FGD4: variants seen among roughly 807,000 people sequenced by gnomAD.
FGD4 encodes the protein FYVE, RhoGEF and PH domain containing 4.
Under a neutral mutation model 102.0 loss-of-function variants are expected in FGD4, and 42 were observed. That is an observed-to-expected ratio of 0.41 (90% CI 0.32 to 0.53). FGD4 has a LOEUF of 0.53. Among genes scored for constraint, FGD4 ranks in the 20% least tolerant of loss-of-function variants. FGD4 has a pLI of 0.21. For synonymous variants in FGD4, 380 were observed against 375.7 expected (o/e 1.01, Z -0.13); for missense variants, 902 against 1,078.2 (o/e 0.84, Z 2.29).
chr12:32,610,978 A>T, intron 9 of FGD4, 144 bp downstream of exon 9: 1 of 1,254,032 alleles, frequency 8.0e-7, no homozygotes, highest in Middle Eastern at 2.1e-4. Context: ...GTTATCTGGA[A>T]TAATTCTCTG....
In FGD4 at chr12:32,497,907, C is replaced by T. The variant is rs117063516; in HGVS notation, c.167-66230C>T. Among the ~76,000 whole-genome samples the T allele has an allele frequency of 2.7e-3, 408 of 152,250 alleles. 21 individuals carry two copies. In the East Asian group the frequency reaches 0.073, roughly 27 times the overall value. On this transcript the variant is annotated intron_variant, in intron 1 of 16. Transcript: ENST00000534526. ...TGTTTCTTGTCTTTGCTACTTCAGC[C>T]TTTTTTCTTCTTCTCGACTCAGTGA...
intron 1 of FGD4, 90 bp from the exon 2 acceptor site, chr12:32,564,047 G>C (rs971241741): frequency 6.2e-5 from 76 of 1,225,322 alleles, no homozygotes; most frequent in Non-Finnish European, 5.6e-5. Flanking sequence ...GGGGGAGGGA[G>C]AGGGAGTGGG....
intron 2 of FGD4, among the ~76,000 whole-genome samples, chr12:32,574,498 A>G (rs11052085): frequency 0.089 from 13,558 of 152,230 alleles, 776 homozygotes; most frequent in Middle Eastern, 0.19. Context: ...AACAAATATT[A>G]CACTTATATA....
intron 1 of FGD4, among the ~76,000 whole-genome samples, chr12:32,546,667 G>A (rs1943248107): frequency 6.6e-6 from 1 of 152,226 alleles, no homozygotes; most frequent in Admixed American, 6.5e-5. Context: ...GAGGGAAGTA[G>A]GACTTGACTA....
chr12:32,512,071 T>C (rs1476410275), intron 1 of FGD4, among the ~76,000 whole-genome samples: 2 of 152,190 alleles, frequency 1.3e-5, no homozygotes, highest in African/African-American at 4.8e-5. Flanking sequence ...ATCGAAGTCT[T>C]TTTTGTGATG....
chr12:32,457,399 C>T (rs1326662716), intron 1 of FGD4, among the ~76,000 whole-genome samples: 4 of 152,144 alleles, frequency 2.6e-5, no homozygotes, highest in Admixed American at 2.6e-4. Flanking sequence ...AGACGAGGAA[C>T]TGTAGTTACT....
intron 1 of FGD4, among the ~76,000 whole-genome samples, chr12:32,444,514 C>T (rs1429497737): frequency 6.6e-6 from 1 of 152,022 alleles, no homozygotes; most frequent in Non-Finnish European, 1.5e-5. Context: ...AAGTGATTCT[C>T]CTGCCTCAGC....
At chr12:32,434,495 T>C (rs1942160410) in intron 1 of FGD4, among the ~76,000 whole-genome samples, 1 of 152,242 alleles carries the variant, frequency 6.6e-6, no homozygotes, top group African/African-American at 2.4e-5. Context: ...AAGTTTGAAT[T>C]TGTAGGCTAA....
chr12:32,570,852 C>A (rs1408084285), intron 2 of FGD4, among the ~76,000 whole-genome samples: 1 of 152,016 alleles, frequency 6.6e-6, no homozygotes, highest in African/African-American at 2.4e-5. Context: ...CTTCACAGGG[C>A]CTTGTAGAAG....
intron 10 of FGD4, among the ~76,000 whole-genome samples, chr12:32,616,057 CT>C (rs573084991): frequency 2.2e-3 from 328 of 152,254 alleles, no homozygotes; most frequent in Non-Finnish European, 4.1e-3. Flanking sequence ...AAAAGACGTG[CT>C]TAATACATCA....
intron 1 of FGD4, among the ~76,000 whole-genome samples, chr12:32,489,346 A>G (rs955000457): frequency 5.9e-5 from 9 of 152,342 alleles, no homozygotes; most frequent in African/African-American, 2.2e-4. Context: ...TATGGAGTTC[A>G]TAAAGTAGCT....
chr12:32,449,995 C>T (rs1297567292), intron 1 of FGD4, among the ~76,000 whole-genome samples: 7 of 151,948 alleles, frequency 4.6e-5, no homozygotes, highest in Non-Finnish European at 2.9e-5. Context: ...TGCAATGGTG[C>T]GATCTCAGCT....
chr12:32,584,112 A>G (rs1401481668), intron 4 of FGD4, among the ~76,000 whole-genome samples: 1 of 152,204 alleles, frequency 6.6e-6, no homozygotes, highest in Non-Finnish European at 1.5e-5. Flanking sequence ...CTAGTGAAAC[A>G]TAGAATAGTA....
intron 2 of FGD4, among the ~76,000 whole-genome samples, chr12:32,565,167 T>C (rs1945083379): frequency 1.3e-5 from 2 of 152,242 alleles, no homozygotes; most frequent in Non-Finnish European, 2.9e-5. Flanking sequence ...AGAGCATGCA[T>C]TATAAAATAA....
chr12:32,512,411 C>T (rs1168474880), intron 1 of FGD4, among the ~76,000 whole-genome samples: 2 of 151,482 alleles, frequency 1.3e-5, no homozygotes, highest in Non-Finnish European at 2.9e-5. Context: ...CCTGTCATTG[C>T]ACCCCAGCCT....
chr12:32,605,785 CAT>C (rs1379784706), intron 7 of FGD4, among the ~76,000 whole-genome samples: 1 of 152,200 alleles, frequency 6.6e-6, no homozygotes, highest in Non-Finnish European at 1.5e-5. Flanking sequence ...TGATTTGTTA[CAT>C]GTCTTCATTC....
chr12:32,556,721 G>A (rs969022419), intron 1 of FGD4, among the ~76,000 whole-genome samples: 2 of 152,024 alleles, frequency 1.3e-5, no homozygotes, highest in African/African-American at 4.8e-5. Context: ...AGCTGCACAT[G>A]GTGGTGGGCG....
chr12:32,554,135 A>AT (rs111609640), intron 1 of FGD4, among the ~76,000 whole-genome samples: 21 of 151,718 alleles, frequency 1.4e-4, no homozygotes, highest in African/African-American at 3.9e-4. Context: ...AATAACTGGG[A>AT]TTTTTTTTTA....
At position 32,642,093 on chromosome 12, in the gene FGD4, T is replaced by C. The variant is rs1951181958; in HGVS notation, c.*1560T>C. On this transcript the variant is annotated 3_prime_UTR_variant, in exon 17 of 17. Coordinates refer to ENST00000534526, the MANE Select transcript of FGD4 (RefSeq NM_001370298.3). ...CCTTGTTACTTTAAGAAATATCTTA[T>C]TTTTTCCACCCCAAAGGAGCAAGTG... 1 of 152,020 alleles carries C rather than the reference T, an allele frequency of 6.6e-6. No homozygotes were observed. Among genetic ancestry groups the C allele is most frequent in the Non-Finnish European group, 1.5e-5 (1 of 67,950 alleles). The allele number at this position is 152,020 out of a possible 1,614,324, so 9.4% of individuals were successfully genotyped here. A position where few individuals can be genotyped will look rare whatever the true frequency, so the allele number is the denominator to read the frequency against.
Sources: gnomAD v4.1 joint callset for allele counts (sites outside exome capture counted in the v4.1 genomes callset) on GRCh38, gnomAD v4.1.1 for gene constraint, MANE v1.5 for transcripts, NCBI Gene and HGNC (gene_info 2026-07-23, HGNC 2026-07-21) for gene names.